EXT1: variants seen among roughly 807,000 people sequenced by gnomAD.
EXT1 encodes exostosin-1.
EXT1 carries 20 observed loss-of-function variants against 82.5 expected under a neutral mutation model. That is an observed-to-expected ratio of 0.24 (90% confidence interval 0.17 to 0.35). The LOEUF (loss-of-function observed/expected upper bound fraction) is 0.35, where lower values mean the gene tolerates loss of function less well. Among genes scored for constraint, EXT1 ranks in the 10% least tolerant of loss-of-function variants. The pLI is 1.00. For missense variants in EXT1, 757 were observed against 936.5 expected, an observed-to-expected ratio of 0.81 and a Z score of 2.50; for synonymous variants, 348 against 350.8, an observed-to-expected ratio of 0.99 and a Z score of 0.09.
intron 1 of EXT1, among the ~76,000 whole-genome samples, chr8:117,848,027 T>C (rs557660972): frequency 6.6e-6 from 1 of 152,286 alleles, no homozygotes; most frequent in Non-Finnish European, 1.5e-5. Context: ...TCCTGAGCCT[T>C]TGGTACCGAA....
At chr8:117,966,109 A>G (rs934992260) in intron 1 of EXT1, among the ~76,000 whole-genome samples, 4 of 152,164 alleles carry the variant, frequency 2.6e-5, no homozygotes, top group African/African-American at 9.7e-5. Flanking sequence ...ATTATTTCCC[A>G]AAAGTAAAAA....
chr8:117,964,499 T>C (rs1814765288), intron 1 of EXT1, among the ~76,000 whole-genome samples: 1 of 152,240 alleles, frequency 6.6e-6, no homozygotes, highest in Non-Finnish European at 1.5e-5. Context: ...GTTTAATTCT[T>C]CTTTCCAAGT....
In EXT1 at chr8:117,796,743, C is replaced by T. The variant is rs571904846; in HGVS notation, c.*2969G>A. On this transcript the variant is annotated 3_prime_UTR_variant, in exon 11 of 11. Transcript: ENST00000378204. ...ATGCTATCTTTTGTGGTATGACTAT[C>T]GTGATTATTTCATGGATTTTTCTCT... The T allele has an allele frequency of 3.9e-5, 6 of 152,110 alleles. No homozygotes were observed. The highest frequency in any genetic ancestry group is 4.2e-4 in the South Asian group (2 of 4,818). The allele number at this position is 152,110 out of a possible 1,614,324, so 9.4% of individuals were successfully genotyped here. A position where few individuals can be genotyped will look rare whatever the true frequency, so the allele number is the denominator to read the frequency against.
intron 1 of EXT1, among the ~76,000 whole-genome samples, chr8:117,898,003 T>C (rs972504733): frequency 3.3e-5 from 5 of 152,206 alleles, no homozygotes; most frequent in African/African-American, 1.2e-4. Flanking sequence ...CAAAATACTT[T>C]CTAAGTGATT....
At chr8:117,997,245 C>CTA (rs67974546) in intron 1 of EXT1, among the ~76,000 whole-genome samples, 7,895 of 135,342 alleles carry the variant, frequency 0.058, 446 homozygotes, top group African/African-American at 0.15. Flanking sequence ...AGTTGTCATA[C>CTA]TATATATATA....
chr8:117,833,225 C>A (rs1261659205), intron 3 of EXT1, among the ~76,000 whole-genome samples: 1 of 152,112 alleles, frequency 6.6e-6, no homozygotes, highest in Non-Finnish European at 1.5e-5. Flanking sequence ...ACCAGCAAGT[C>A]TGGGTGGGTG....
intron 4 of EXT1, 32 bp from the exon 5 acceptor site, chr8:117,822,629 T>A: frequency 6.2e-7 from 1 of 1,607,508 alleles, no homozygotes; most frequent in Non-Finnish European, 8.5e-7. Context: ...ACAGTGAGGA[T>A]GAGATCCTGA....
intron 1 of EXT1, among the ~76,000 whole-genome samples, chr8:117,929,433 GA>G (rs1336731166): frequency 1.3e-5 from 2 of 152,186 alleles, no homozygotes; most frequent in African/African-American, 2.4e-5. Flanking sequence ...AGACACAACA[GA>G]AAACAAAAGA....
intron 1 of EXT1, among the ~76,000 whole-genome samples, chr8:117,968,950 CTG>C (rs1248630408): frequency 4.6e-5 from 7 of 152,220 alleles, no homozygotes; most frequent in Admixed American, 3.9e-4. Flanking sequence ...GATGTCCAAA[CTG>C]TTTATTAAGC....
At chr8:117,885,163 C>T (rs1487601408) in intron 1 of EXT1, among the ~76,000 whole-genome samples, 1 of 152,168 alleles carries the variant, frequency 6.6e-6, no homozygotes, top group Non-Finnish European at 1.5e-5. Flanking sequence ...TAAATAATTA[C>T]TTATATAATA....
At chr8:117,831,666 G>A (rs1307930386) in intron 3 of EXT1, 1 of 471,130 alleles carries the variant, frequency 2.1e-6, no homozygotes. Flanking sequence ...GAGCAAGAAG[G>A]AGAAATGCTC....
chr8:117,969,248 A>G (rs571261765), intron 1 of EXT1, among the ~76,000 whole-genome samples: 3 of 152,222 alleles, frequency 2.0e-5, no homozygotes, highest in Non-Finnish European at 4.4e-5. Context: ...AGATCCTTTT[A>G]TACTATTTTA....
rs138064203 is a variant in EXT1, at chr8:117,868,452, TTTTG to T, written c.963-31255_963-31252del. ...CTTCTTTAATTTTAATTTAAAAATGTTTTGTTTGTTTGTTTTTGAGACAGGGTCT... is the reference window on the plus strand; with the variant it reads ...CTTCTTTAATTTTAATTTAAAAATGTTTTGTTTGTTTTTGAGACAGGGTCT... On this transcript the variant is annotated intron_variant, in intron 1 of 10. Coordinates refer to ENST00000378204, the MANE Select transcript of EXT1 (RefSeq NM_000127.3). Among the ~76,000 whole-genome samples, 32 of 152,142 alleles carry T rather than the reference TTTTG, an allele frequency of 2.1e-4. 1 individual carries two copies. The East Asian group carries it at 5.0e-3, about 24-fold the overall frequency.
chr8:117,945,468 A>C (rs1814368897), intron 1 of EXT1, among the ~76,000 whole-genome samples: 1 of 152,152 alleles, frequency 6.6e-6, no homozygotes, highest in South Asian at 2.1e-4. Flanking sequence ...AGGGGACTCC[A>C]CTTTCCTCTT....
Position 117,814,376 on chromosome 8 carries a change from A to T in EXT1, c.1633-1415T>A, listed in dbSNP as rs141636615. Among the ~76,000 whole-genome samples, 172 of 152,256 alleles carry T rather than the reference A, an allele frequency of 1.1e-3. 1 individual carries two copies. The highest frequency in any genetic ancestry group is 3.7e-3 in the African/African-American group (152 of 41,548). Reference sequence around the variant, plus strand: ...TGAATGTACCATAGAGGAACTAACCATAAGAATGCTGACACCATAAGAATA... The same window carrying T: ...TGAATGTACCATAGAGGAACTAACCTTAAGAATGCTGACACCATAAGAATA... On this transcript the variant is annotated intron_variant, in intron 7 of 10. Transcript: ENST00000378204.
In EXT1 at chr8:117,812,950, G is replaced by C. The variant is rs1823353547; in HGVS notation, c.1644C>G (p.Ser548Arg). Residue 548 changes from serine (S) to arginine (R), a missense_variant, in exon 8 of 11, where the codon AGC becomes AGG. Physicochemically the swap from Ser to Arg is moderately radical, Grantham distance 110. Coordinates refer to ENST00000378204, the MANE Select transcript of EXT1 (RefSeq NM_000127.3). ...VIEGESKVMS[S>R]RFLPYDNIIT... Reference sequence around the variant, plus strand: ...TGATGTTGTCGTAGGGCAGAAAACGGCTGCTCATAACCTGGGAGGAAGTAG... The same window carrying C: ...TGATGTTGTCGTAGGGCAGAAAACGCCTGCTCATAACCTGGGAGGAAGTAG... The C allele has an allele frequency of 6.2e-7, 1 of 1,613,758 alleles. No individual in the cohort carries two copies. Among genetic ancestry groups the C allele is most frequent in the Non-Finnish European group, 8.5e-7 (1 of 1,179,890 alleles).
chr8:117,821,836 T>A (rs1333722975), intron 5 of EXT1, among the ~76,000 whole-genome samples: 2 of 152,190 alleles, frequency 1.3e-5, no homozygotes, highest in Non-Finnish European at 2.9e-5. Flanking sequence ...CATAAATGTC[T>A]AAGGCAATAA....
chr8:117,958,524 G>T (rs1424003343), intron 1 of EXT1, among the ~76,000 whole-genome samples: 1 of 152,136 alleles, frequency 6.6e-6, no homozygotes, highest in African/African-American at 2.4e-5. Context: ...ACAAGACTAG[G>T]TCATCAAAAT....
intron 3 of EXT1, among the ~76,000 whole-genome samples, chr8:117,830,553 A>G (rs1017721639): frequency 6.6e-6 from 1 of 152,214 alleles, no homozygotes; most frequent in Non-Finnish European, 1.5e-5. Flanking sequence ...ATCCACCCCA[A>G]TGGCCTTTGA....
Sources: gnomAD v4.1 joint callset for allele counts (sites outside exome capture counted in the v4.1 genomes callset) on GRCh38, gnomAD v4.1.1 for gene constraint, MANE v1.5 for transcripts, NCBI Gene and HGNC (gene_info 2026-07-23, HGNC 2026-07-21) for gene names.